The following CNTNAP5 variants were observed in gnomAD, a reference collection of about 807,000 sequenced individuals.
CNTNAP5 encodes contactin associated protein family member 5, also known as contactin-associated protein-like 5.
CNTNAP5 carries 72 observed loss-of-function variants against 150.2 expected under a neutral mutation model. That is an observed-to-expected ratio of 0.48 (90% CI 0.40 to 0.58). The LOEUF (loss-of-function observed/expected upper bound fraction) is 0.58, where lower values mean the gene tolerates loss of function less well. Among genes scored for constraint, CNTNAP5 ranks in the 20% least tolerant of loss-of-function variants. CNTNAP5 has a pLI of 0.00. For missense variants in CNTNAP5, 1,636 were observed against 1,626.2 expected (o/e 1.01, Z -0.10); for synonymous variants, 672 against 619.8 (o/e 1.08, Z -1.25).
intron 4 of CNTNAP5, among the ~76,000 whole-genome samples, chr2:124,430,849 T>C (rs1692361026): frequency 6.6e-6 from 1 of 152,208 alleles, no homozygotes; most frequent in African/African-American, 2.4e-5. Flanking sequence ...GATAGCATCT[T>C]TATGCTGTGC....
chr2:124,474,298 G>A (rs1015924960), intron 6 of CNTNAP5, among the ~76,000 whole-genome samples: 1 of 151,928 alleles, frequency 6.6e-6, no homozygotes, highest in African/African-American at 2.4e-5. Context: ...ACAATCTTAT[G>A]CATAAGGCTT....
At chr2:124,349,227 G>A (rs552166734) in intron 3 of CNTNAP5, among the ~76,000 whole-genome samples, 1 of 152,192 alleles carries the variant, frequency 6.6e-6, no homozygotes. Flanking sequence ...TAGGCTGTAC[G>A]ATGTAGCCTG....
At chr2:124,863,200 C>T (rs755823131) in intron 19 of CNTNAP5, among the ~76,000 whole-genome samples, 2 of 152,198 alleles carry the variant, frequency 1.3e-5, no homozygotes, top group South Asian at 2.1e-4. Context: ...ATGTCTGGCA[C>T]GTAATTATCA....
At chr2:124,737,893 T>G (rs887075100) in intron 13 of CNTNAP5, among the ~76,000 whole-genome samples, 2 of 151,382 alleles carry the variant, frequency 1.3e-5, no homozygotes, top group African/African-American at 4.8e-5. Context: ...ATAGTGTTGT[T>G]GTGGAGAGTA....
intron 16 of CNTNAP5, among the ~76,000 whole-genome samples, chr2:124,765,787 C>T (rs1310075526): frequency 6.6e-6 from 1 of 151,854 alleles, no homozygotes; most frequent in Non-Finnish European, 1.5e-5. Flanking sequence ...GAAACCCCGT[C>T]GCCACTAAAA....
intron 14 of CNTNAP5, among the ~76,000 whole-genome samples, chr2:124,757,373 GA>G: frequency 6.6e-6 from 1 of 152,186 alleles, no homozygotes; most frequent in East Asian, 1.9e-4. Context: ...GAGACCTAAG[GA>G]GGACAGTGTG....
Position 124,763,557 on chromosome 2 carries a change from C to T in CNTNAP5, c.2235-115C>T. On this transcript the variant is annotated intron_variant, in intron 14 of 23. Transcript: ENST00000682447. The stretch of plus-strand genomic sequence containing the variant: ...GAAAGGCCTTCTGTTTTCCCCCTCT[C>T]TGCCCCTACCCTGCTGCAACTGGCC... The T allele has an allele frequency of 5.5e-6, 5 of 913,480 alleles. No homozygotes were observed. The South Asian group carries it at 6.8e-5, about 12-fold the overall frequency. 56.6% of individuals were successfully genotyped at this position (913,480 alleles called of 1,614,324 possible).
intron 4 of CNTNAP5, among the ~76,000 whole-genome samples, chr2:124,427,054 G>A (rs1692254798): frequency 6.6e-6 from 1 of 152,086 alleles, no homozygotes; most frequent in South Asian, 2.1e-4. Context: ...TTGTAATAAT[G>A]GGTTCTTAAA....
intron 1 of CNTNAP5, among the ~76,000 whole-genome samples, chr2:124,113,984 C>G (rs1683367086): frequency 6.6e-6 from 1 of 151,956 alleles, no homozygotes; most frequent in South Asian, 2.1e-4. Context: ...ATCTATTTGC[C>G]TAACCTTGTG....
chr2:124,750,708 G>A (rs1003556316), intron 14 of CNTNAP5, among the ~76,000 whole-genome samples: 6 of 151,874 alleles, frequency 4.0e-5, no homozygotes, highest in East Asian at 1.9e-4. Context: ...TGGCAAGGTC[G>A]GACATAGTGG....
chr2:124,649,267 C>T (rs1276416805), intron 13 of CNTNAP5, among the ~76,000 whole-genome samples: 3 of 152,076 alleles, frequency 2.0e-5, no homozygotes, highest in African/African-American at 7.2e-5. Context: ...CGTACTGGTT[C>T]GTGTCCCTTT....
At chr2:124,653,686 T>G (rs1678368578) in intron 13 of CNTNAP5, among the ~76,000 whole-genome samples, 1 of 148,290 alleles carries the variant, frequency 6.7e-6, no homozygotes. Context: ...AGAAACAGTA[T>G]GTCAAGATAC....
chr2:124,522,598 C>T (rs886538157), intron 8 of CNTNAP5, among the ~76,000 whole-genome samples: 4 of 152,162 alleles, frequency 2.6e-5, no homozygotes, highest in African/African-American at 9.7e-5. Context: ...TGAAAAAATG[C>T]GGATGCCTGG....
At chr2:124,060,391 G>A (rs549134825) in intron 1 of CNTNAP5, among the ~76,000 whole-genome samples, 30 of 152,302 alleles carry the variant, frequency 2.0e-4, no homozygotes, top group African/African-American at 6.5e-4. Context: ...TTGGGGGACC[G>A]ATAAAATTAT....
intron 10 of CNTNAP5, among the ~76,000 whole-genome samples, chr2:124,532,124 G>T (rs1695124190): frequency 6.6e-6 from 1 of 152,186 alleles, no homozygotes; most frequent in African/African-American, 2.4e-5. Context: ...AGTTCCAAGA[G>T]GTGAGTACAC....
At chr2:124,638,881 C>T (rs1291983197) in intron 12 of CNTNAP5, among the ~76,000 whole-genome samples, 1 of 152,174 alleles carries the variant, frequency 6.6e-6, no homozygotes, top group African/African-American at 2.4e-5. Flanking sequence ...CTGCATTGTA[C>T]TTTACTGTGT....
chr2:124,655,941 GAGAGAGAAAGAA>G (rs1390544892), intron 13 of CNTNAP5, among the ~76,000 whole-genome samples: 1,377 of 58,000 alleles, frequency 0.024, 20 homozygotes, highest in African/African-American at 0.087. Context: ...GAGAGAGAGA[GAGAGAGAAAGAA>G]AGAAAGAAAG....
chr2:124,322,308 G>T (rs1386814544), intron 3 of CNTNAP5, among the ~76,000 whole-genome samples: 1 of 152,082 alleles, frequency 6.6e-6, no homozygotes, highest in African/African-American at 2.4e-5. Context: ...AACAAAATTT[G>T]TCAGGGCTTG....
chr2:124,889,153 C>A (rs973210779), intron 21 of CNTNAP5, among the ~76,000 whole-genome samples: 21 of 134,158 alleles, frequency 1.6e-4, no homozygotes, highest in Non-Finnish European at 2.9e-4. Flanking sequence ...GGCTGGAGTG[C>A]AGTGGCAAAA....
Sources: allele counts gnomAD v4.1 joint callset (sites outside exome capture counted in the v4.1 genomes callset), GRCh38; gene constraint gnomAD v4.1.1; transcripts MANE v1.5; gene names NCBI Gene and HGNC (gene_info 2026-07-23, HGNC 2026-07-21).